FREM1: variants seen among roughly 807,000 people sequenced by gnomAD.
The protein encoded by FREM1 is FRAS1-related extracellular matrix protein 1.
In FREM1, 220 loss-of-function variants were observed where a neutral mutation model predicts 210.1. The observed-to-expected ratio is 1.05, with a 90% CI of 0.94 to 1.17. FREM1 has a LOEUF of 1.17. Among genes scored for constraint, FREM1 ranks in the 50% most tolerant of loss-of-function variants. The probability of loss-of-function intolerance (pLI) is 0.00; values close to 1 mark genes in which losing one functional copy is unlikely to be tolerated. For synonymous variants in FREM1, 1,189 were observed against 980.2 expected, an observed-to-expected ratio of 1.21 and a Z score of -3.98; for missense variants, 3,454 against 2,675.5, an observed-to-expected ratio of 1.29 and a Z score of -6.42.
At chr9:14,874,736 T>G (rs1264607324) in intron 1 of FREM1, among the ~76,000 whole-genome samples, 1 of 152,224 alleles carries the variant, frequency 6.6e-6, no homozygotes, top group Non-Finnish European at 1.5e-5. Flanking sequence ...ATTTTGCTCA[T>G]TAGTTGATGC....
At chr9:14,739,562 A>C (rs1007406497) in intron 36 of FREM1, among the ~76,000 whole-genome samples, 1 of 147,256 alleles carries the variant, frequency 6.8e-6, no homozygotes, top group Non-Finnish European at 1.5e-5. Flanking sequence ...ATACAAATAT[A>C]ATATATATTT....
chr9:14,781,533 T>A (rs12001375), intron 24 of FREM1, among the ~76,000 whole-genome samples: 4,503 of 152,258 alleles, frequency 0.03, 204 homozygotes, highest in African/African-American at 0.1. Flanking sequence ...ACTGAATACT[T>A]GCAAGCATAA....
chr9:14,756,528 C>G, intron 28 of FREM1, 82 bp from the exon 29 acceptor site: 1 of 940,848 alleles, frequency 1.1e-6, no homozygotes, highest in Non-Finnish European at 1.6e-6. Flanking sequence ...TCATACTGGA[C>G]TAAACTCATG....
rs1268382538 is a variant in FREM1, at chr9:14,873,354, A to T, written c.-267-4110T>A. On this transcript the variant is annotated intron_variant, in intron 1 of 36. Coordinates refer to ENST00000380880, the MANE Select transcript of FREM1 (RefSeq NM_001379081.2). ...TATTGCCACAATTTCAGAGCCTGTT[A>T]TTGGTCTATTCAGAGATTCAACTTC... Among the ~76,000 whole-genome samples, 8 of 152,144 alleles carry T rather than the reference A, an allele frequency of 5.3e-5. No individual in the cohort carries two copies. In the East Asian group the frequency reaches 1.5e-3, roughly 29 times the overall value.
At chr9:14,748,186 T>G (rs1429605965) in intron 31 of FREM1, among the ~76,000 whole-genome samples, 1 of 152,166 alleles carries the variant, frequency 6.6e-6, no homozygotes, top group East Asian at 1.9e-4. Context: ...TATGGATGAA[T>G]CAGCATATCT....
intron 15 of FREM1, among the ~76,000 whole-genome samples, chr9:14,814,279 T>C (rs1819911090): frequency 6.6e-6 from 1 of 152,208 alleles, no homozygotes; most frequent in Non-Finnish European, 1.5e-5. Context: ...TGATAATCTG[T>C]TTAATGCCTG....
intron 22 of FREM1, 120 bp downstream of exon 22, chr9:14,792,623 T>C (rs1310728298): frequency 1.3e-6 from 1 of 742,844 alleles, no homozygotes; most frequent in Non-Finnish European, 2.0e-6. Context: ...AAATTAAATT[T>C]TCTACTTCTA....
intron 13 of FREM1, among the ~76,000 whole-genome samples, chr9:14,820,363 C>T (rs1821065323): frequency 6.6e-6 from 1 of 152,198 alleles, no homozygotes; most frequent in Non-Finnish European, 1.5e-5. Context: ...GAGGACCCCT[C>T]CCAGGTGGTC....
intron 3 of FREM1, among the ~76,000 whole-genome samples, chr9:14,860,572 C>CGTGT (rs1829672802): frequency 6.8e-5 from 6 of 87,998 alleles, no homozygotes; most frequent in African/African-American, 2.9e-4. Flanking sequence ...TATATATACA[C>CGTGT]ATATATATAC....
chr9:14,908,885 G>A (rs1818253552), intron 1 of FREM1, among the ~76,000 whole-genome samples: 1 of 152,166 alleles, frequency 6.6e-6, no homozygotes. Context: ...AGTCAGTTTT[G>A]AGAATGCCTG....
Position 14,836,182 on chromosome 9 carries a change from A to AC in FREM1, c.1881+5264dup, listed in dbSNP as rs1428664544. Among the ~76,000 whole-genome samples, 8 of 152,242 alleles carry AC rather than the reference A, an allele frequency of 5.3e-5. No individual in the cohort carries two copies. Among genetic ancestry groups the AC allele is most frequent in the Non-Finnish European group, 8.8e-5 (6 of 68,038 alleles). ...GTAAAATTTTAGATGGAAATTATCTACCACACCACACTTGTGGGAATTGCT... is the reference window on the plus strand; with the variant it reads ...GTAAAATTTTAGATGGAAATTATCTACCCACACCACACTTGTGGGAATTGCT... On this transcript the variant is annotated intron_variant, in intron 10 of 36. Coordinates refer to ENST00000380880, the MANE Select transcript of FREM1 (RefSeq NM_001379081.2). This position sits in a 1 kb window ranked among gnomAD's most constrained non-coding sequence, Gnocchi z 4.9.
intron 1 of FREM1, among the ~76,000 whole-genome samples, chr9:14,882,905 T>A: frequency 1.9e-3 from 1 of 538 alleles, no homozygotes; most frequent in Middle Eastern, 0.5. Flanking sequence ...AGAGCGAGAC[T>A]CCATCTCAAA....
intron 10 of FREM1, among the ~76,000 whole-genome samples, chr9:14,834,865 G>A (rs1564034191): frequency 6.6e-6 from 1 of 150,432 alleles, no homozygotes; most frequent in Non-Finnish European, 1.5e-5. Context: ...TGTAAACCAC[G>A]AAGATAAATA....
rs954619902 is a variant in FREM1 at position 14,739,383 on chromosome 9, C to T, written c.6340+766G>A. 2.0e-5 allele frequency among the ~76,000 whole-genome samples: 3 copies of T among 150,148 alleles called. No homozygotes were observed. The South Asian group carries it at 6.3e-4, about 31-fold the overall frequency. On this transcript the variant is annotated intron_variant, in intron 36 of 36. Coordinates refer to ENST00000380880, the MANE Select transcript of FREM1 (RefSeq NM_001379081.2). ...TCTCTCAAAGTCCTAGGATTACAGG[C>T]GTGAGCCACCATACCCAGCCTACCT...
At chr9:14,800,180 A>G (rs1481510514) in intron 20 of FREM1, among the ~76,000 whole-genome samples, 1 of 152,134 alleles carries the variant, frequency 6.6e-6, no homozygotes, top group Admixed American at 6.5e-5. Flanking sequence ...AAAAATGTTA[A>G]ACAAGTGCTA....
At chr9:14,826,765 C>T (rs781159377) in intron 10 of FREM1, among the ~76,000 whole-genome samples, 1 of 152,090 alleles carries the variant, frequency 6.6e-6, no homozygotes, top group African/African-American at 2.4e-5. Flanking sequence ...TAAAAGGGCT[C>T]GAGGGAATGA....
rs749913758 is a variant in FREM1 at position 14,789,117 on chromosome 9, G to A, written c.3982-3C>T. 22 of 1,573,566 alleles carry A rather than the reference G, an allele frequency of 1.4e-5. No individual in the cohort carries two copies. Among genetic ancestry groups the A allele is most frequent in the Non-Finnish European group, 1.7e-5 (20 of 1,157,910 alleles). On this transcript the variant is annotated splice_region_variant and splice_polypyrimidine_tract_variant and intron_variant, in intron 22 of 36. Transcript: ENST00000380880. ...AGAGGAACCCAGTCCCTCCCTATCT[G>A]GAAGGAGCCAGAGTTAGTCAGCTGC...
chr9:14,788,752 C>T (rs553072417), intron 23 of FREM1, among the ~76,000 whole-genome samples, 167 bp downstream of exon 23: 1 of 152,144 alleles, frequency 6.6e-6, no homozygotes, highest in African/African-American at 2.4e-5. Flanking sequence ...CCAGGCAAAG[C>T]AGGTGAGAAG....
chr9:14,764,092 A>C (rs7043048), intron 27 of FREM1, among the ~76,000 whole-genome samples: 106,082 of 151,932 alleles, frequency 0.7, 37,501 homozygotes, highest in Middle Eastern at 0.77. Context: ...TTTCCACCAT[A>C]CTGTTCTTGT....
Sources: allele counts gnomAD v4.1 joint callset (sites outside exome capture counted in the v4.1 genomes callset), GRCh38; gene constraint gnomAD v4.1.1; non-coding constraint Gnocchi (gnomAD v3.1); transcripts MANE v1.5; gene names NCBI Gene and HGNC (gene_info 2026-07-23, HGNC 2026-07-21).